Variants in WWC2 observed in about 807,000 individuals in gnomAD.
WWC2 encodes the protein WW and C2 domain containing 2.
Under a neutral mutation model 138.5 loss-of-function variants are expected in WWC2, and 101 were observed. The ratio of observed to expected loss-of-function variants is 0.73; its 90% confidence interval spans 0.62 to 0.86. The LOEUF is 0.86. Among genes scored for constraint, WWC2 ranks in the 40% least tolerant of loss-of-function variants. The pLI, the probability that WWC2 is intolerant of heterozygous loss-of-function variation, is 0.00. For missense variants in WWC2, 1,420 were observed against 1,419.4 expected, an observed-to-expected ratio of 1.00 and a Z score of -0.01; for synonymous variants, 558 against 538.4, an observed-to-expected ratio of 1.04 and a Z score of -0.50.
chr4:183,208,803 AGGTGTCTGATCAAT>A, intron 3 of WWC2, 132 bp from the exon 4 acceptor site: 2 of 585,058 alleles, frequency 3.4e-6, no homozygotes, highest in Non-Finnish European at 6.1e-6. Flanking sequence ...TTTTATATTT[AGGTGTCTGATCAAT>A]GGCAATAAAG....
chr4:183,182,135 T>A lies in WWC2; in HGVS notation c.132-11464T>A, dbSNP rs543815077. On this transcript the variant is annotated intron_variant, in intron 1 of 22. Transcript: ENST00000403733. The stretch of plus-strand genomic sequence containing the variant: ...ATGTAGTGAGGTTATAGAGATTTTT[T>A]AAAGTCCTCTCAGTTTCTTAAGTTT... 2.6e-5 allele frequency among the ~76,000 whole-genome samples: 4 copies of A among 152,350 alleles called. No individual in the cohort carries two copies. The South Asian group carries it at 8.3e-4, about 32-fold the overall frequency.
At chr4:183,149,637 T>A (rs911943146) in intron 1 of WWC2, among the ~76,000 whole-genome samples, 10 of 144,500 alleles carry the variant, frequency 6.9e-5, no homozygotes, top group Non-Finnish European at 1.2e-4. Flanking sequence ...AAAAAAAAAA[T>A]CTTTAAGTAT....
intron 18 of WWC2, among the ~76,000 whole-genome samples, chr4:183,283,325 G>A (rs1738142557): frequency 6.6e-6 from 1 of 152,226 alleles, no homozygotes; most frequent in African/African-American, 2.4e-5. Flanking sequence ...TTAGAAAAGT[G>A]ACAGGTGACT....
chr4:183,189,526 T>TTTA (rs1734929999), intron 1 of WWC2, among the ~76,000 whole-genome samples: 1 of 152,202 alleles, frequency 6.6e-6, no homozygotes, highest in Non-Finnish European at 1.5e-5. Context: ...TTTCTAGTGC[T>TTTA]TTATCCTTGC....
chr4:183,241,839 C>G (rs1736632262), intron 5 of WWC2, among the ~76,000 whole-genome samples: 2 of 152,136 alleles, frequency 1.3e-5, no homozygotes, highest in Non-Finnish European at 2.9e-5. Context: ...GCCATATGTT[C>G]CACATTTTTA....
chr4:183,233,830 T>C (rs1736334150), intron 4 of WWC2: 1 of 152,180 alleles, frequency 6.6e-6, no homozygotes, highest in Non-Finnish European at 1.5e-5. Flanking sequence ...GTGTTGAGGA[T>C]TTTCAGTAAG....
At chr4:183,287,771 C>T (rs939585473) in intron 20 of WWC2, among the ~76,000 whole-genome samples, 1 of 152,128 alleles carries the variant, frequency 6.6e-6, no homozygotes, top group Non-Finnish European at 1.5e-5. Context: ...GGGTACCGAC[C>T]GGCAGAGGTG....
At position 183,299,026 on chromosome 4, in the gene WWC2, C is replaced by T. The variant is rs1156506836; in HGVS notation, c.3384+9391C>T. Among the ~76,000 whole-genome samples, 3 of 152,246 alleles carry T rather than the reference C, an allele frequency of 2.0e-5. No individual in the cohort carries two copies. The East Asian group carries it at 5.8e-4, about 29-fold the overall frequency. On this transcript the variant is annotated intron_variant, in intron 21 of 22. Coordinates refer to ENST00000403733, the MANE Select transcript of WWC2 (RefSeq NM_024949.6). The stretch of plus-strand genomic sequence containing the variant: ...CTTAGTCCATTTTGTGCTGCTATAA[C>T]AAAATGCCACAGACTGGGTAATTTA...
chr4:183,253,955 G>C lies in WWC2; in HGVS notation c.1152G>C (p.Glu384Asp). The C allele has an allele frequency of 6.2e-7, 1 of 1,613,892 alleles. No individual in the cohort carries two copies. Among genetic ancestry groups the C allele is most frequent in the South Asian group, 1.1e-5 (1 of 91,032 alleles). ...LEAERQRLEE[E>D]LLSVRGTPSR... ...CTGAAAGGCAGCGGCTGGAAGAAGA[G>C]TTGCTGTCTGTGAGGGGAACACCAA... Residue 384 changes from glutamate to aspartate, a missense_variant, in exon 9 of 23, where the codon GAG (glutamate) becomes GAC (aspartate). Physicochemically the swap from Glu to Asp is conservative, Grantham distance 45. Coordinates refer to ENST00000403733, the MANE Select transcript of WWC2 (RefSeq NM_024949.6).
intron 4 of WWC2, among the ~76,000 whole-genome samples, chr4:183,237,547 C>T (rs1045698128): frequency 4.6e-5 from 7 of 152,196 alleles, no homozygotes; most frequent in Admixed American, 4.6e-4. Context: ...GTTCCACCCT[C>T]ATCCCCAAGC....
At chr4:183,281,812 T>A (rs1738085907) in intron 17 of WWC2, among the ~76,000 whole-genome samples, 1 of 152,188 alleles carries the variant, frequency 6.6e-6, no homozygotes, top group Non-Finnish European at 1.5e-5. Flanking sequence ...ACGAGAGTGA[T>A]TATAAGGTTC....
intron 4 of WWC2, among the ~76,000 whole-genome samples, chr4:183,239,246 C>T (rs541412316): frequency 6.6e-6 from 1 of 151,854 alleles, no homozygotes; most frequent in Non-Finnish European, 1.5e-5. Flanking sequence ...ACCCGGGAGG[C>T]GGAGTTGCAG....
intron 18 of WWC2, among the ~76,000 whole-genome samples, chr4:183,283,783 T>G (rs1738157671): frequency 6.6e-6 from 1 of 152,256 alleles, no homozygotes; most frequent in Non-Finnish European, 1.5e-5. Context: ...GTGGTATATT[T>G]CATTTTCTTA....
chr4:183,261,264 C>G lies in WWC2; in HGVS notation c.1641C>G (p.Ser547=). The part of the protein sequence containing the change: ...AEAPKSVASL[S]SRSSLSSLSP... Reference sequence around the variant, plus strand: ...CCCCGAAGTCTGTGGCCTCCCTGTCCTCGAGGTCCTCCCTTTCCTCCTTGT... The same window carrying G: ...CCCCGAAGTCTGTGGCCTCCCTGTCGTCGAGGTCCTCCCTTTCCTCCTTGT... The change falls in exon 11 of 23, where the codon TCC becomes TCG. Residue 547 remains serine (S), a synonymous_variant. Coordinates refer to ENST00000403733, the MANE Select transcript of WWC2 (RefSeq NM_024949.6). 1 of 1,613,376 alleles carries G rather than the reference C, an allele frequency of 6.2e-7. No homozygotes were observed. The highest frequency in any genetic ancestry group is 8.5e-7 in the Non-Finnish European group (1 of 1,179,668).
intron 4 of WWC2, among the ~76,000 whole-genome samples, chr4:183,238,136 C>T (rs1392911327): frequency 2.6e-5 from 4 of 152,204 alleles, no homozygotes; most frequent in East Asian, 1.9e-4. Flanking sequence ...CTGGGCATCA[C>T]GGAAATGAAT....
intron 1 of WWC2, among the ~76,000 whole-genome samples, chr4:183,154,954 T>A (rs1733755569): frequency 6.6e-6 from 1 of 152,200 alleles, no homozygotes; most frequent in Non-Finnish European, 1.5e-5. Context: ...TAAATTCCTT[T>A]GACACCGCCT....
At chr4:183,192,909 G>T (rs1004212885) in intron 1 of WWC2, among the ~76,000 whole-genome samples, 2 of 152,144 alleles carry the variant, frequency 1.3e-5, no homozygotes, top group Non-Finnish European at 2.9e-5. Context: ...TTAGGAAACT[G>T]TGTGGTTTCT....
chr4:183,247,053 A>G (rs982160281), intron 6 of WWC2, among the ~76,000 whole-genome samples: 2 of 152,212 alleles, frequency 1.3e-5, no homozygotes, highest in African/African-American at 2.4e-5. Flanking sequence ...GAGATTGACA[A>G]TAGAGTTAGA....
intron 18 of WWC2, 28 bp downstream of exon 18, chr4:183,282,934 A>G: frequency 1.9e-6 from 3 of 1,542,824 alleles, no homozygotes; most frequent in Non-Finnish European, 1.8e-6. Context: ...CTGTCTTAAA[A>G]CTGATACCTT....
Sources: allele counts gnomAD v4.1 joint callset (sites outside exome capture counted in the v4.1 genomes callset), GRCh38; gene constraint gnomAD v4.1.1; transcripts MANE v1.5; gene names NCBI Gene and HGNC (gene_info 2026-07-23, HGNC 2026-07-21).